KAZN: variants seen among roughly 807,000 people sequenced by gnomAD.
KAZN encodes kazrin, periplakin interacting protein, also known as kazrin.
KAZN carries 40 observed loss-of-function variants against 87.4 expected under a neutral mutation model. The observed-to-expected ratio is 0.46, with a 90% CI of 0.36 to 0.60. The LOEUF (loss-of-function observed/expected upper bound fraction) is 0.60, where lower values mean the gene tolerates loss of function less well. Ranked by LOEUF, KAZN falls within the 20% of genes least tolerant of loss-of-function variation. KAZN has a pLI of 0.00. For synonymous variants in KAZN, 466 were observed against 458.3 expected, an observed-to-expected ratio of 1.02 and a Z score of -0.22; for missense variants, 898 against 1,073.9, an observed-to-expected ratio of 0.84 and a Z score of 2.29.
intron 1 of KAZN, among the ~76,000 whole-genome samples, chr1:14,718,025 C>T (rs1222843210): frequency 6.6e-6 from 1 of 152,226 alleles, no homozygotes. Flanking sequence ...CCTCTATCAC[C>T]TGTGGTGACT....
At chr1:14,864,378 T>C (rs1300845029) in intron 1 of KAZN, among the ~76,000 whole-genome samples, 1 of 151,736 alleles carries the variant, frequency 6.6e-6, no homozygotes, top group Non-Finnish European at 1.5e-5. Flanking sequence ...GCCTGGCCAA[T>C]ATGGTAAAAC....
chr1:14,288,300 A>G (rs574564704), intron 2 of KAZN, among the ~76,000 whole-genome samples: 1 of 152,256 alleles, frequency 6.6e-6, no homozygotes, highest in African/African-American at 2.4e-5. Flanking sequence ...CTGTGTATCC[A>G]TCTGGTCCTG....
At chr1:14,534,949 G>A (rs1273662646) in intron 2 of KAZN, among the ~76,000 whole-genome samples, 1 of 152,100 alleles carries the variant, frequency 6.6e-6, no homozygotes, top group Non-Finnish European at 1.5e-5. Flanking sequence ...TTTCATACCA[G>A]CCATATCTTG....
chr1:14,494,398 A>C (rs1426429750), intron 2 of KAZN, among the ~76,000 whole-genome samples: 1 of 152,028 alleles, frequency 6.6e-6, no homozygotes, highest in Non-Finnish European at 1.5e-5. Context: ...CTTTTTCTTA[A>C]TACTCATGTT....
chr1:14,986,336 C>T (rs1443745792), intron 2 of KAZN, among the ~76,000 whole-genome samples: 3 of 152,176 alleles, frequency 2.0e-5, no homozygotes, highest in African/African-American at 7.2e-5. Context: ...TTAACAGCCT[C>T]GCTTTTGCAA....
intron 1 of KAZN, among the ~76,000 whole-genome samples, chr1:13,947,915 C>T (rs1641207347): frequency 6.6e-6 from 1 of 152,190 alleles, no homozygotes; most frequent in Admixed American, 6.5e-5. Flanking sequence ...AACACAGTCG[C>T]ACTCTGAGTT....
chr1:14,519,447 T>C (rs1671465638), intron 2 of KAZN, among the ~76,000 whole-genome samples: 6 of 152,162 alleles, frequency 3.9e-5, no homozygotes, highest in Admixed American at 3.9e-4. Context: ...TCAGGGACAG[T>C]GAGGGTGCTG....
At chr1:14,845,636 A>T (rs1392447466) in intron 1 of KAZN, among the ~76,000 whole-genome samples, 1 of 152,098 alleles carries the variant, frequency 6.6e-6, no homozygotes, top group African/African-American at 2.4e-5. Flanking sequence ...CATGCCCTTG[A>T]TGAGCTGGAT....
Position 14,355,400 on chromosome 1 carries a change from A to ATATTTATT in KAZN, c.249+174840_249+174847dup, listed in dbSNP as rs58049152. Among the ~76,000 whole-genome samples, 144 of 147,978 alleles carry ATATTTATT rather than the reference A, an allele frequency of 9.7e-4. 2 individuals are homozygous for ATATTTATT. Among genetic ancestry groups the ATATTTATT allele is most frequent in the South Asian group, 1.9e-3 (9 of 4,618 alleles). ...TGGTTTTTGTTGTTGAACAATCTAC[A>ATATTTATT]TATTTATTTATTTATTTATTTATTT... On this transcript the variant is annotated intron_variant, in intron 2 of 16. Coordinates refer to the KAZN transcript ENST00000636203.
rs116754950 is a variant in KAZN at position 14,820,597 on chromosome 1, G to T, written c.227-140087G>T. On this transcript the variant is annotated intron_variant, in intron 1 of 14. Coordinates refer to ENST00000376030, the MANE Select transcript of KAZN (RefSeq NM_201628.3). The surrounding 1 kb of genome is among the most constrained non-coding windows in gnomAD (Gnocchi z 4.1). ...TTCCACTCTCGCCCACAGTGAGTTG[G>T]CAATGCCTGGCCACGTGTGCTCTGT... Among the ~76,000 whole-genome samples, 295 of 152,352 alleles carry T rather than the reference G, an allele frequency of 1.9e-3. 2 individuals are homozygous for T. Among genetic ancestry groups the T allele is most frequent in the Admixed American group, 3.1e-3 (47 of 15,310 alleles).
chr1:14,763,971 A>T (rs1221974563), intron 1 of KAZN, among the ~76,000 whole-genome samples: 1 of 151,616 alleles, frequency 6.6e-6, no homozygotes, highest in Non-Finnish European at 1.5e-5. Context: ...ATGGTGTCCA[A>T]CTCCTGACCT....
At chr1:14,187,969 GGAAACACCGGTGAAGAT>G (rs1196848364) in intron 2 of KAZN, among the ~76,000 whole-genome samples, 1 of 152,054 alleles carries the variant, frequency 6.6e-6, no homozygotes, top group East Asian at 1.9e-4. Context: ...AGCCTATGGG[GGAAACACCGGTGAAGAT>G]GAAAGGAGTA....
intron 2 of KAZN, among the ~76,000 whole-genome samples, chr1:14,438,874 C>T (rs1323167659): frequency 6.6e-6 from 1 of 152,232 alleles, no homozygotes; most frequent in African/African-American, 2.4e-5. Context: ...CCGGTACCTG[C>T]TGTTTCCCTA....
intron 2 of KAZN, among the ~76,000 whole-genome samples, chr1:14,488,659 C>A (rs1175974886): frequency 6.6e-6 from 1 of 152,192 alleles, no homozygotes; most frequent in Non-Finnish European, 1.5e-5. Flanking sequence ...CATTCACCAC[C>A]CCTTCCTCCA....
chr1:14,995,441 G>A (rs546434049), intron 2 of KAZN, among the ~76,000 whole-genome samples: 1 of 152,200 alleles, frequency 6.6e-6, no homozygotes, highest in South Asian at 2.1e-4. Flanking sequence ...TGGTCAACGT[G>A]GTAAAACCCC....
chr1:14,380,305 C>T (rs1006386639), intron 2 of KAZN, among the ~76,000 whole-genome samples: 1 of 152,132 alleles, frequency 6.6e-6, no homozygotes, highest in Non-Finnish European at 1.5e-5. Flanking sequence ...CTCTTCAATA[C>T]CCAGACAAAA....
chr1:14,244,254 G>T (rs1232042794), intron 2 of KAZN, among the ~76,000 whole-genome samples: 2 of 152,160 alleles, frequency 1.3e-5, no homozygotes, highest in African/African-American at 2.4e-5. Flanking sequence ...TGAGTGCAAG[G>T]CTGCTCCTTC....
intron 1 of KAZN, among the ~76,000 whole-genome samples, chr1:13,895,290 G>A (rs1638993462): frequency 1.3e-5 from 2 of 152,100 alleles, no homozygotes; most frequent in Admixed American, 6.5e-5. Context: ...TAGGTAGGAG[G>A]GCTCAGAAGC....
At chr1:13,992,367 G>A (rs1639324360) in intron 1 of KAZN, among the ~76,000 whole-genome samples, 1 of 152,030 alleles carries the variant, frequency 6.6e-6, no homozygotes. Context: ...TATTTACACA[G>A]ACTGAAGTTG....
Sources: gnomAD v4.1 joint callset for allele counts (sites outside exome capture counted in the v4.1 genomes callset) on GRCh38, gnomAD v4.1.1 for gene constraint, Gnocchi (gnomAD v3.1) non-coding constraint, MANE v1.5 for transcripts, NCBI Gene and HGNC (gene_info 2026-07-23, HGNC 2026-07-21) for gene names.